The following RDH12 variants were observed in gnomAD, a reference collection of about 807,000 sequenced individuals.
The protein encoded by RDH12 is all-trans and 9-cis retinol dehydrogenase.
In RDH12, 21 loss-of-function variants were observed where a neutral mutation model predicts 34.0. That is an observed-to-expected ratio of 0.62 (90% CI 0.44 to 0.89). RDH12 has a LOEUF of 0.89. Ranked by LOEUF, RDH12 falls within the 40% of genes least tolerant of loss-of-function variation. The pLI is 0.00. For missense variants in RDH12, 394 were observed against 398.6 expected (o/e 0.99, Z 0.10); for synonymous variants, 198 against 169.9 (o/e 1.17, Z -1.29).
Position 67,708,794 on chromosome 14 carries a change from C to CTT in RDH12, c.-275+6875_-275+6876dup, listed in dbSNP as rs377047632. Among the ~76,000 whole-genome samples the CTT allele has an allele frequency of 5.5e-3, 751 of 136,872 alleles. 7 individuals carry two copies. Among genetic ancestry groups the CTT allele is most frequent in the Non-Finnish European group, 9.3e-3 (591 of 63,886 alleles). 89.8% of individuals were successfully genotyped at this position (136,872 alleles called of 152,430 possible). A position where few individuals can be genotyped will look rare whatever the true frequency, so the allele number is the denominator to read the frequency against. ...ACTCTAGGGAACCTATTAATAATAC[C>CTT]TTTTTTTTTTTTTTTTTGAGAGGGA... On this transcript the variant is annotated intron_variant, in intron 1 of 8. Transcript: ENST00000551171.
chr14:67,705,390 T>C lies in RDH12; in HGVS notation c.-275+3455T>C, dbSNP rs76820548. ...ACATATTAATGTGTACGTCAACAGT[T>C]TGAGAAATTTTCAATAAGATTTGAG... On this transcript the variant is annotated intron_variant, in intron 1 of 8. Coordinates refer to ENST00000551171, the MANE Select transcript of RDH12 (RefSeq NM_152443.3). Among the ~76,000 whole-genome samples, 214 of 152,350 alleles carry C rather than the reference T, an allele frequency of 1.4e-3. 4 individuals carry two copies. The East Asian group carries it at 0.038, about 27-fold the overall frequency.
chr14:67,709,280 C>T (rs10147145), intron 1 of RDH12, among the ~76,000 whole-genome samples: 5,591 of 152,222 alleles, frequency 0.037, 299 homozygotes, highest in African/African-American at 0.12. Context: ...AGGTGAAAAC[C>T]TTCATTCTTT....
chr14:67,729,359 C>A lies in RDH12; in HGVS notation c.827C>A (p.Pro276His). The A allele has an allele frequency of 6.3e-7, 1 of 1,597,906 alleles. No individual in the cohort carries two copies. The highest frequency in any genetic ancestry group is 8.5e-7 in the Non-Finnish European group (1 of 1,179,794). ...TGCGCCCTGGCTGAGGGCCTGGAGC[C>A]CCTGAGTGGCAAGTACTTCAGGTGT... is the stretch of plus-strand genomic sequence containing the variant. ...LHCALAEGLE[P>H]LSGKYFSDCK... is the part of the protein sequence containing the mutation. The change falls in exon 8 of 9, where the codon CCC (proline) becomes CAC (histidine). Residue 276 changes from proline (P) to histidine (H), a missense_variant. By Grantham distance (77) the Pro-to-His change is moderately conservative (BLOSUM62 -2). Transcript: ENST00000551171.
chr14:67,716,709 C>A (rs2038072713), intron 1 of RDH12, among the ~76,000 whole-genome samples: 1 of 152,056 alleles, frequency 6.6e-6, no homozygotes, highest in South Asian at 2.1e-4. Context: ...CATGGTGAAA[C>A]CCCATCTCTA....
rs2140162639 is a variant in RDH12, at chr14:67,733,812, T to C, written c.915T>C (p.Asn305=). The C allele has an allele frequency of 6.2e-7, 1 of 1,613,340 alleles. No homozygotes were observed. Among genetic ancestry groups the C allele is most frequent in the South Asian group, 1.1e-5 (1 of 91,068 alleles). The change falls in exon 9 of 9, where the codon AAT becomes AAC. Residue 305 remains asparagine, a synonymous_variant. Transcript: ENST00000551171. The part of the protein sequence containing the change: ...RNNKTAERLW[N]VSCELLGIRW... ...ACAAAACAGCTGAGCGCCTATGGAATGTCAGCTGTGAGCTTCTAGGAATCC... is the reference window on the plus strand; with the variant it reads ...ACAAAACAGCTGAGCGCCTATGGAACGTCAGCTGTGAGCTTCTAGGAATCC...
intron 1 of RDH12, among the ~76,000 whole-genome samples, chr14:67,710,647 CTT>C (rs1395040577): frequency 6.6e-6 from 1 of 151,472 alleles, no homozygotes; most frequent in East Asian, 1.9e-4. Context: ...TTCCTGGTTC[CTT>C]TTACCTTGTT....
rs2038077593 is a variant in RDH12 at position 67,717,137 on chromosome 14, G to A, written c.-274-3711G>A. ...TTAACTAGAGTTCAATATTTATTTA[G>A]TTTTTTTTCCTTTGGATGTAAAATT... On this transcript the variant is annotated intron_variant, in intron 1 of 8. Transcript: ENST00000551171. 2.6e-5 allele frequency among the ~76,000 whole-genome samples: 4 copies of A among 151,970 alleles called. No individual in the cohort carries two copies. The South Asian group carries it at 6.2e-4, about 24-fold the overall frequency.
At chr14:67,731,175 A>G (rs542286609) in intron 8 of RDH12, among the ~76,000 whole-genome samples, 5 of 150,478 alleles carry the variant, frequency 3.3e-5, no homozygotes, top group Admixed American at 1.3e-4. Context: ...TATGTGGCTC[A>G]CAATTGTGTT....
chr14:67,704,343 A>G (rs2037930606), intron 1 of RDH12, among the ~76,000 whole-genome samples: 1 of 152,202 alleles, frequency 6.6e-6, no homozygotes, highest in Non-Finnish European at 1.5e-5. Context: ...TCTTGAATTG[A>G]GGCATTTTTA....
intron 1 of RDH12, among the ~76,000 whole-genome samples, chr14:67,707,830 G>A (rs1238201484): frequency 2.0e-5 from 3 of 152,142 alleles, no homozygotes; most frequent in Admixed American, 1.3e-4. Flanking sequence ...TCCTGGGCCT[G>A]TCAGAAAGTG....
chr14:67,720,434 G>C (rs1404344754), intron 1 of RDH12, among the ~76,000 whole-genome samples: 1 of 152,162 alleles, frequency 6.6e-6, no homozygotes, highest in African/African-American at 2.4e-5. Flanking sequence ...CTCTAAAAAT[G>C]TGTCCAGTGG....
intron 1 of RDH12, among the ~76,000 whole-genome samples, chr14:67,711,762 G>T (rs1248383231): frequency 6.6e-6 from 1 of 152,134 alleles, no homozygotes; most frequent in African/African-American, 2.4e-5. Context: ...AAACAACTCA[G>T]GTGAAAAGTC....
chr14:67,728,706 G>GGC (rs1019505621), intron 7 of RDH12, among the ~76,000 whole-genome samples: 7 of 151,026 alleles, frequency 4.6e-5, no homozygotes, highest in East Asian at 1.9e-4. Context: ...TATCTTGTGG[G>GGC]GGGGGGGTGT....
intron 1 of RDH12, among the ~76,000 whole-genome samples, chr14:67,702,283 T>A (rs11621258): frequency 0.21 from 31,399 of 152,146 alleles, 4,211 homozygotes; most frequent in Non-Finnish European, 0.31. Context: ...CTCAGTTTTT[T>A]AAGTTTTTTT....
chr14:67,725,220 ATCTATC>A lies in RDH12; in HGVS notation c.310_315del (p.Ser104_Ile105del). ...GGAAATTGGACCTATCCGACACCAA[ATCTATC>A]CGAGCCTTTGCTGAGGGCTTTCTGG... On this transcript the variant is annotated inframe_deletion, in exon 5 of 9. Coordinates refer to ENST00000551171, the MANE Select transcript of RDH12 (RefSeq NM_152443.3). 6.2e-7 allele frequency: 1 copy of A among 1,613,826 alleles called. No individual in the cohort carries two copies. The highest frequency in any genetic ancestry group is 8.5e-7 in the Non-Finnish European group (1 of 1,180,008).
Position 67,722,472 on chromosome 14 carries a change from A to G in RDH12, c.-171A>G. On this transcript the variant is annotated 5_prime_UTR_variant, in exon 3 of 9. In the 5' UTR this introduces an upstream ATG that the reference lacks. Transcript: ENST00000551171. ...GCTCTGACAGCTCTTGGATTTAAAT[A>G]GGATTCTGGGCTCTGCTCAGAGTCA... 1 of 724,080 alleles carries G rather than the reference A, an allele frequency of 1.4e-6. No individual in the cohort carries two copies. Among genetic ancestry groups the G allele is most frequent in the Non-Finnish European group, 2.5e-6 (1 of 393,440 alleles). 44.9% of individuals were successfully genotyped at this position (724,080 alleles called of 1,614,324 possible).
At chr14:67,715,211 C>G (rs1490966146) in intron 1 of RDH12, 1 of 42,240 alleles carries the variant, frequency 2.4e-5, no homozygotes, top group African/African-American at 7.2e-5. Flanking sequence ...GCATAATAGC[C>G]GTTAAAAAAT....
At position 67,707,442 on chromosome 14, in the gene RDH12, T is replaced by A. The variant is rs374205155; in HGVS notation, c.-275+5507T>A. On this transcript the variant is annotated intron_variant, in intron 1 of 8. Transcript: ENST00000551171. The stretch of plus-strand genomic sequence containing the variant: ...CAGAGCAGCAAGAATATATATATAT[T>A]TTTTGAGATGGAGTCTCACTCTGCT... 2.3e-3 allele frequency among the ~76,000 whole-genome samples: 347 copies of A among 152,238 alleles called. 2 individuals are homozygous for A. The Middle Eastern group carries it at 0.027, about 12-fold the overall frequency.
At chr14:67,715,450 G>A (rs1030823157) in intron 1 of RDH12, among the ~76,000 whole-genome samples, 1 of 152,152 alleles carries the variant, frequency 6.6e-6, no homozygotes, top group Non-Finnish European at 1.5e-5. Context: ...TGACTTCACC[G>A]ATTGCTGTAA....
Sources: gnomAD v4.1 joint callset for allele counts (sites outside exome capture counted in the v4.1 genomes callset) on GRCh38, gnomAD v4.1.1 for gene constraint, MANE v1.5 for transcripts, NCBI Gene and HGNC (gene_info 2026-07-23, HGNC 2026-07-21) for gene names.